The following CCDC174 variants were observed in gnomAD, a reference collection of about 807,000 sequenced individuals.
CCDC174 encodes the protein coiled-coil domain-containing protein 174.
Under a neutral mutation model 57.1 loss-of-function variants are expected in CCDC174, and 37 were observed. That is an observed-to-expected ratio of 0.65 (90% CI 0.50 to 0.85). The LOEUF is 0.85. CCDC174 is among the 40% of genes least tolerant of loss of function. CCDC174 has a pLI of 0.00. For missense variants in CCDC174, 540 were observed against 574.3 expected, an observed-to-expected ratio of 0.94 and a Z score of 0.61; for synonymous variants, 182 against 190.2, an observed-to-expected ratio of 0.96 and a Z score of 0.35.
intron 4 of CCDC174, among the ~76,000 whole-genome samples, chr3:14,660,385 T>C (rs2031090646): frequency 6.6e-6 from 1 of 152,146 alleles, no homozygotes; most frequent in Non-Finnish European, 1.5e-5. Flanking sequence ...GCACCTGTAG[T>C]CTCAGCTACT....
intron 3 of CCDC174, 99 bp from the exon 4 acceptor site, chr3:14,658,772 C>T: frequency 7.7e-7 from 1 of 1,294,570 alleles, no homozygotes; most frequent in East Asian, 2.8e-5. Context: ...ACAGGCTGGG[C>T]CTCATGGGCA....
intron 10 of CCDC174, among the ~76,000 whole-genome samples, chr3:14,670,315 C>G (rs1260918365): frequency 6.6e-6 from 1 of 152,174 alleles, no homozygotes; most frequent in Non-Finnish European, 1.5e-5. Context: ...GTCTACATGC[C>G]AGTGTACTAA....
rs139455452 is a variant in CCDC174, at chr3:14,667,045, G to A, written c.724+98G>A. The A allele has an allele frequency of 3.1e-5, 31 of 1,004,102 alleles. 1 individual carries two copies. In the African/African-American group the frequency reaches 4.7e-4, roughly 15 times the overall value. The allele number at this position is 1,004,102 out of a possible 1,614,324, so 62.2% of individuals were successfully genotyped here. Reference sequence around the variant, plus strand: ...ATTCATAAAGCAATAGCTTTTACATGGAAATTAAAGATCCTGCTTTGGAAA... The same window carrying A: ...ATTCATAAAGCAATAGCTTTTACATAGAAATTAAAGATCCTGCTTTGGAAA... On this transcript the variant is annotated intron_variant, in intron 7 of 10. Coordinates refer to ENST00000383794, the MANE Select transcript of CCDC174 (RefSeq NM_016474.5).
At chr3:14,661,836 C>A in intron 5 of CCDC174, 129 bp downstream of exon 5, 1 of 757,588 alleles carries the variant, frequency 1.3e-6, no homozygotes, top group East Asian at 2.7e-5. Context: ...TGAGACTTCC[C>A]TTTAAGTTAG....
chr3:14,661,412 A>C, intron 4 of CCDC174, 118 bp from the exon 5 acceptor site: 2 of 759,990 alleles, frequency 2.6e-6, no homozygotes. Flanking sequence ...GAGTGGAGGC[A>C]TTGGCTGATG....
chr3:14,666,563 C>T (rs2031345652), intron 6 of CCDC174, among the ~76,000 whole-genome samples: 1 of 151,670 alleles, frequency 6.6e-6, no homozygotes, highest in African/African-American at 2.4e-5. Context: ...GCCGAGGTTG[C>T]AGTGAGCCGA....
chr3:14,659,036 T>C lies in CCDC174; in HGVS notation c.307+107T>C, dbSNP rs2031046578. 9.0e-6 allele frequency: 10 copies of C among 1,109,742 alleles called. No homozygotes were observed. The South Asian group carries it at 1.5e-4, about 16-fold the overall frequency. 68.7% of individuals were successfully genotyped at this position (1,109,742 alleles called of 1,614,324 possible). A position where few individuals can be genotyped will look rare whatever the true frequency, so the allele number is the denominator to read the frequency against. Reference sequence around the variant, plus strand: ...TAGGAGTAGAGAGAAAATTTAGACGTCAAAATTTTACTTTCCATGGCTGCA... The same window carrying C: ...TAGGAGTAGAGAGAAAATTTAGACGCCAAAATTTTACTTTCCATGGCTGCA... On this transcript the variant is annotated intron_variant, in intron 4 of 10. Coordinates refer to ENST00000383794, the MANE Select transcript of CCDC174 (RefSeq NM_016474.5).
intron 1 of CCDC174, 67 bp downstream of exon 1, chr3:14,651,945 C>G: frequency 6.7e-7 from 1 of 1,502,580 alleles, no homozygotes; most frequent in Non-Finnish European, 9.2e-7. Context: ...ACAAGAATGT[C>G]GACCTAGCTT....
At chr3:14,653,934 G>A (rs923502615) in intron 1 of CCDC174, among the ~76,000 whole-genome samples, 1 of 152,236 alleles carries the variant, frequency 6.6e-6, no homozygotes, top group African/African-American at 2.4e-5. Flanking sequence ...TATTTTGTTG[G>A]TAGTATAAAT....
In CCDC174 at chr3:14,670,911, A is replaced by C. The variant is rs1439091545; in HGVS notation, c.1121A>C (p.Tyr374Ser). The change falls in exon 11 of 11, where the codon TAC becomes TCC. Residue 374 changes from tyrosine to serine, a missense_variant. Coordinates refer to ENST00000383794, the MANE Select transcript of CCDC174 (RefSeq NM_016474.5). ...TTTTTACCAGAATTTTCCTTTGGAT[A>C]CTGGTCGAAGAGGCAGTCAGATCTC... ...WDRGKEFSFG[Y>S]WSKRQSDLRA... is the part of the protein sequence containing the mutation. The C allele has an allele frequency of 6.2e-7, 1 of 1,604,924 alleles. No homozygotes were observed. The highest frequency in any genetic ancestry group is 2.2e-5 in the East Asian group (1 of 44,674).
At chr3:14,652,210 A>G (rs565919035) in intron 1 of CCDC174, among the ~76,000 whole-genome samples, 8 of 152,238 alleles carry the variant, frequency 5.3e-5, no homozygotes, top group East Asian at 1.9e-4. Flanking sequence ...TCTCCCTTAC[A>G]GTCAGGAGGA....
rs1476067407 is a variant in CCDC174 at position 14,658,940 on chromosome 3, TTTG to T, written c.307+14_307+16del. On this transcript the variant is annotated intron_variant, in intron 4 of 10. Transcript: ENST00000383794. ...AAGGAGACTTTATAGGTAAATAAAA[TTTG>T]TTATTTCTACTTCATTTTCTATAAT... 1.3e-6 allele frequency: 2 copies of T among 1,497,364 alleles called. No individual in the cohort carries two copies. The highest frequency in any genetic ancestry group is 1.8e-6 in the Non-Finnish European group (2 of 1,093,488). 92.8% of individuals were successfully genotyped at this position (1,497,364 alleles called of 1,614,324 possible).
intron 3 of CCDC174, among the ~76,000 whole-genome samples, chr3:14,657,098 A>T (rs1376832586): frequency 6.6e-6 from 1 of 152,260 alleles, no homozygotes; most frequent in Non-Finnish European, 1.5e-5. Context: ...AATTTTGTCC[A>T]AAGTTACCAT....
chr3:14,665,005 A>G (rs778797501), intron 5 of CCDC174, 23 bp from the exon 6 acceptor site: 1 of 1,573,666 alleles, frequency 6.4e-7, no homozygotes, highest in African/African-American at 1.4e-5. Flanking sequence ...GTCCTTCTTC[A>G]CATCTTTTTG....
At position 14,671,305 on chromosome 3, in the gene CCDC174, A is replaced by T; in HGVS notation, c.*111A>T. On this transcript the variant is annotated 3_prime_UTR_variant, in exon 11 of 11. Coordinates refer to ENST00000383794, the MANE Select transcript of CCDC174 (RefSeq NM_016474.5). The stretch of plus-strand genomic sequence containing the variant: ...ACCTTTGTCCTGTCCTTTCCCTAGG[A>T]GGCACAGACTTCGGGTTGGATTTGT... 8.7e-7 allele frequency: 1 copy of T among 1,149,702 alleles called. No individual in the cohort carries two copies. The highest frequency in any genetic ancestry group is 1.2e-6 in the Non-Finnish European group (1 of 818,488). The allele number at this position is 1,149,702 out of a possible 1,614,324, so 71.2% of individuals were successfully genotyped here.
chr3:14,667,669 C>T, intron 8 of CCDC174, 151 bp downstream of exon 8: 1 of 648,316 alleles, frequency 1.5e-6, no homozygotes, highest in East Asian at 2.8e-5. Flanking sequence ...TTTTGTGTTT[C>T]AAATTTTATA....
At chr3:14,657,666 T>G (rs886999386) in intron 3 of CCDC174, among the ~76,000 whole-genome samples, 1 of 152,224 alleles carries the variant, frequency 6.6e-6, no homozygotes, top group Admixed American at 6.5e-5. Flanking sequence ...TCTGTCTCTA[T>G]TTTGCACCAT....
intron 9 of CCDC174, among the ~76,000 whole-genome samples, chr3:14,669,129 A>G (rs2031433140): frequency 6.6e-6 from 1 of 152,172 alleles, no homozygotes; most frequent in Admixed American, 6.5e-5. Context: ...TGGCCTCTCC[A>G]GCAAGGTGGC....
intron 1 of CCDC174, among the ~76,000 whole-genome samples, chr3:14,653,700 C>T (rs1276635601): frequency 6.6e-6 from 1 of 152,198 alleles, no homozygotes; most frequent in Non-Finnish European, 1.5e-5. Flanking sequence ...GGCCTTCTTT[C>T]CTGTTCTTGA....
Sources: gnomAD v4.1 joint callset for allele counts (sites outside exome capture counted in the v4.1 genomes callset) on GRCh38, gnomAD v4.1.1 for gene constraint, MANE v1.5 for transcripts, NCBI Gene and HGNC (gene_info 2026-07-23, HGNC 2026-07-21) for gene names.